PPP2R2B: variants seen among roughly 807,000 people sequenced by gnomAD.
The protein encoded by PPP2R2B is serine/threonine-protein phosphatase 2A 55 kDa regulatory subunit B beta isoform.
In PPP2R2B, 5 loss-of-function variants were observed where a neutral mutation model predicts 46.0. The ratio of observed to expected loss-of-function variants is 0.11; its 90% CI spans 0.06 to 0.23. The LOEUF (loss-of-function observed/expected upper bound fraction) is 0.23. Ranked by LOEUF, PPP2R2B falls within the 10% of genes least tolerant of loss-of-function variation. PPP2R2B has a pLI of 1.00. For synonymous variants in PPP2R2B, 215 were observed against 206.7 expected, an observed-to-expected ratio of 1.04 and a Z score of -0.34; for missense variants, 367 against 575.0, an observed-to-expected ratio of 0.64 and a Z score of 3.70.
chr5:146,828,667 T>A (rs1294686449), intron 2 of PPP2R2B, among the ~76,000 whole-genome samples: 1 of 152,224 alleles, frequency 6.6e-6, no homozygotes, highest in South Asian at 2.1e-4. Context: ...GATGATCTTT[T>A]TCCCCCCAAC....
intron 1 of PPP2R2B, among the ~76,000 whole-genome samples, chr5:147,006,423 C>A (rs759943286): frequency 6.6e-6 from 1 of 152,138 alleles, no homozygotes. Flanking sequence ...AAAAAGTTAA[C>A]GGTGTAACAT....
At chr5:146,952,305 C>T (rs1582486390) in intron 1 of PPP2R2B, among the ~76,000 whole-genome samples, 2 of 151,660 alleles carry the variant, frequency 1.3e-5, no homozygotes, top group East Asian at 3.9e-4. Context: ...ATTTTTTTTT[C>T]TCCATCCATT....
rs1491550987 is a variant in PPP2R2B, at chr5:146,667,326, G to GTGCA, written c.448-16603_448-16602insTGCA. Among the ~76,000 whole-genome samples, 79 of 50,698 alleles carry GTGCA rather than the reference G, an allele frequency of 1.6e-3. 1 individual carries two copies. Among genetic ancestry groups the GTGCA allele is most frequent in the South Asian group, 4.2e-3 (7 of 1,678 alleles). The allele number at this position is 50,698 out of a possible 152,430, so 33.3% of individuals were successfully genotyped here. On this transcript the variant is annotated intron_variant, in intron 5 of 9. Coordinates refer to ENST00000394411, the MANE Select transcript of PPP2R2B (RefSeq NM_181675.4). ...AAGGAGAGACAGCAGGAATAGGCGT[G>GTGCA]CGCGCGCACACACACACACACACAC...
intron 7 of PPP2R2B, chr5:146,616,945 C>A (rs1490541623): frequency 6.6e-6 from 1 of 152,504 alleles, no homozygotes; most frequent in East Asian, 1.9e-4. Context: ...GCACTGTTCA[C>A]AATAGCCAAG....
intron 4 of PPP2R2B, among the ~76,000 whole-genome samples, chr5:146,693,322 C>A (rs1422724366): frequency 2.0e-5 from 3 of 152,026 alleles, no homozygotes; most frequent in African/African-American, 7.2e-5. Context: ...TCAGGTGATT[C>A]TCTCATCTCA....
At chr5:146,908,488 C>A (rs1407000579) in intron 1 of PPP2R2B, among the ~76,000 whole-genome samples, 1 of 150,134 alleles carries the variant, frequency 6.7e-6, no homozygotes, top group East Asian at 2.0e-4. Flanking sequence ...ATGTATACAG[C>A]TGTTTGGGCC....
At chr5:146,911,709 T>A (rs1480194903) in intron 1 of PPP2R2B, among the ~76,000 whole-genome samples, 2 of 152,170 alleles carry the variant, frequency 1.3e-5, no homozygotes, top group African/African-American at 4.8e-5. Context: ...AAATACCTCT[T>A]CCCTCTATAT....
upstream of PPP2R2B, among the ~76,000 whole-genome samples, chr5:146,882,496 G>C: frequency 6.6e-6 from 1 of 152,132 alleles, no homozygotes; most frequent in East Asian, 1.9e-4. Flanking sequence ...CAAGTTACAA[G>C]ATCTCCCTAA....
At chr5:146,760,603 G>A (rs1308054214) in intron 2 of PPP2R2B, among the ~76,000 whole-genome samples, 3 of 152,184 alleles carry the variant, frequency 2.0e-5, no homozygotes, top group Non-Finnish European at 4.4e-5. Flanking sequence ...AGGAGGAAGA[G>A]ACTGAGGAGC....
intron 1 of PPP2R2B, among the ~76,000 whole-genome samples, chr5:147,017,690 G>T (rs571572635): frequency 3.9e-5 from 6 of 152,092 alleles, no homozygotes; most frequent in African/African-American, 1.2e-4. Context: ...AAATGCAGCT[G>T]CAGTGTAAAG....
chr5:146,826,416 G>T (rs1038279776), intron 2 of PPP2R2B, among the ~76,000 whole-genome samples: 37 of 152,164 alleles, frequency 2.4e-4, no homozygotes, highest in Admixed American at 1.6e-3. Context: ...GCATTTTAGA[G>T]ACCACCCTGA....
chr5:147,045,706 G>A (rs887820387), intron 1 of PPP2R2B, among the ~76,000 whole-genome samples: 1 of 152,066 alleles, frequency 6.6e-6, no homozygotes, highest in Non-Finnish European at 1.5e-5. Context: ...GGGTTAAGAT[G>A]AAACTTTGTA....
At chr5:146,808,963 G>A (rs1046795417) in intron 2 of PPP2R2B, among the ~76,000 whole-genome samples, 2 of 54,000 alleles carry the variant, frequency 3.7e-5, no homozygotes. Context: ...ACACTGGTGT[G>A]TGTGTGTGTG....
intron 1 of PPP2R2B, among the ~76,000 whole-genome samples, chr5:147,008,619 C>T (rs1010307443): frequency 5.3e-5 from 8 of 152,084 alleles, no homozygotes; most frequent in Non-Finnish European, 1.2e-4. Flanking sequence ...CTTATTCATG[C>T]TTTGAGATCT....
rs994045931 is a variant in PPP2R2B at position 146,769,916 on chromosome 5, T to C, written c.71-68774A>G. 5.3e-5 allele frequency among the ~76,000 whole-genome samples: 8 copies of C among 152,152 alleles called. No individual in the cohort carries two copies. The South Asian group carries it at 1.2e-3, about 24-fold the overall frequency. On this transcript the variant is annotated intron_variant, in intron 2 of 9. Transcript: ENST00000394411. ...GTACTTGTCTTTGACCTAGTTATTC[T>C]AGTTCTAAAAATTAATTCTAAAAAA...
chr5:146,662,537 T>A (rs540272244), intron 5 of PPP2R2B, among the ~76,000 whole-genome samples: 40 of 152,306 alleles, frequency 2.6e-4, no homozygotes, highest in Admixed American at 4.6e-4. Context: ...TGATGTTGCA[T>A]GAAGACTCTC....
intron 2 of PPP2R2B, among the ~76,000 whole-genome samples, chr5:146,844,167 C>T (rs1759837158): frequency 8.1e-6 from 1 of 123,838 alleles, no homozygotes; most frequent in Non-Finnish European, 1.6e-5. Context: ...ATCACATGGA[C>T]ACAGGAAGGG....
In PPP2R2B at chr5:146,745,160, C is replaced by CAGAGAGAGAG. The variant is rs747573157; in HGVS notation, c.71-44028_71-44019dup. On this transcript the variant is annotated intron_variant, in intron 2 of 9. Transcript: ENST00000394411. ...CAACTCTAAAACGTGCAGAGAAAGA[C>CAGAGAGAGAG]AGAGAGAGAGAGAGAGAGAGAGAGA... 7.5e-3 allele frequency among the ~76,000 whole-genome samples: 714 copies of CAGAGAGAGAG among 94,906 alleles called. 15 individuals carry two copies. Among genetic ancestry groups the CAGAGAGAGAG allele is most frequent in the East Asian group, 0.038 (107 of 2,832 alleles). 62.3% of individuals were successfully genotyped at this position (94,906 alleles called of 152,430 possible). A position where few individuals can be genotyped will look rare whatever the true frequency, so the allele number is the denominator to read the frequency against.
rs1241906660 is a variant in PPP2R2B, at chr5:146,613,854, C to T, written c.791-13394G>A. ...CACTGCTCAAGGAAATAAAAGAGGA[C>T]ACAAACAAATGGAAGAACATTCCAT... On this transcript the variant is annotated intron_variant, in intron 7 of 9. Transcript: ENST00000394411. Among the ~76,000 whole-genome samples, 3 of 141,086 alleles carry T rather than the reference C, an allele frequency of 2.1e-5. 1 individual carries two copies. The highest frequency in any genetic ancestry group is 5.8e-5 in the African/African-American group (2 of 34,208). The allele number at this position is 141,086 out of a possible 152,430, so 92.6% of individuals were successfully genotyped here.
Sources: allele counts gnomAD v4.1 joint callset (sites outside exome capture counted in the v4.1 genomes callset), GRCh38; gene constraint gnomAD v4.1.1; transcripts MANE v1.5; gene names NCBI Gene and HGNC (gene_info 2026-07-23, HGNC 2026-07-21).